The following GPR142 variants were observed in gnomAD, a reference collection of about 807,000 sequenced individuals.
GPR142 encodes G-protein coupled receptor 142 long form.
A neutral mutation model predicts 10.6 loss-of-function variants in GPR142; 9 were observed. The observed-to-expected ratio is 0.85, with a 90% CI of 0.51 to 1.48. The LOEUF is 1.48. GPR142 is among the 40% of genes most tolerant of loss of function. The pLI, the probability that GPR142 is intolerant of heterozygous loss-of-function variation, is 0.00. For synonymous variants in GPR142, 202 were observed against 221.2 expected (o/e 0.91, Z 0.77); for missense variants, 482 against 506.0 (o/e 0.95, Z 0.45).
chr17:74,370,468 G>A (rs938884131), intron 2 of GPR142, 53 bp from the exon 3 acceptor site: 44 of 1,554,186 alleles, frequency 2.8e-5, no homozygotes, highest in Middle Eastern at 3.4e-4. Flanking sequence ...GCTGCGCCCA[G>A]CCAGGTTAGA....
intron 1 of GPR142, 134 bp from the exon 2 acceptor site, chr17:74,369,334 G>A (rs1397193814): frequency 9.9e-6 from 7 of 709,506 alleles, no homozygotes; most frequent in Middle Eastern, 3.7e-4. Flanking sequence ...TGCCCAGCCC[G>A]ACCCCTTCCC....
Position 74,369,643 on chromosome 17 carries a change from T to A in GPR142, c.94+9T>A, listed in dbSNP as rs1424001322. ...TGAGGGACGAGAGACAGGTAAGGCA[T>A]CTTGAAGTGGGGTGTGCTGGGGGCA... On this transcript the variant is annotated intron_variant, in intron 2 of 3. Transcript: ENST00000582579. 3 of 1,542,618 alleles carry A rather than the reference T, an allele frequency of 1.9e-6. No individual in the cohort carries two copies. Among genetic ancestry groups the A allele is most frequent in the African/African-American group, 1.4e-5 (1 of 72,322 alleles).
chr17:74,369,676 G>A, intron 2 of GPR142, 42 bp downstream of exon 2: 2 of 1,521,136 alleles, frequency 1.3e-6, no homozygotes, highest in Middle Eastern at 1.7e-4. Flanking sequence ...GCAATAAGGT[G>A]GAAAGGCAGG....
rs751667637 is a variant in GPR142 at position 74,371,847 on chromosome 17, C to T, written c.372C>T (p.Phe124=). ...TCATCATCCAGGTGGTCATCGTGTTCGCGGGCTTCCTCCTGCAGGGAGCAG... is the reference window on the plus strand; with the variant it reads ...TCATCATCCAGGTGGTCATCGTGTTTGCGGGCTTCCTCCTGCAGGGAGCAG... ...SDIIIQVVIV[F]AGFLLQGAVL... Residue 124 remains phenylalanine, a synonymous_variant, in exon 4 of 4, where the codon TTC becomes TTT. Transcript: ENST00000582579. 3.7e-6 allele frequency: 6 copies of T among 1,613,596 alleles called. No individual in the cohort carries two copies. Among genetic ancestry groups the T allele is most frequent in the South Asian group, 2.2e-5 (2 of 91,084 alleles).
intron 3 of GPR142, 142 bp from the exon 4 acceptor site, chr17:74,371,587 A>T: frequency 1.1e-6 from 1 of 911,670 alleles, no homozygotes; most frequent in Non-Finnish European, 1.6e-6. Flanking sequence ...GTGGGGTTTC[A>T]GAAGGATCTG....
At chr17:74,371,159 C>CGTTTT (rs548811045) in intron 3 of GPR142, among the ~76,000 whole-genome samples, 1 of 124,086 alleles carries the variant, frequency 8.1e-6, no homozygotes, top group African/African-American at 3.0e-5. Context: ...GGACAGGTAG[C>CGTTTT]TTTTTTTTTT....
chr17:74,372,328 C>T lies in GPR142; in HGVS notation c.853C>T (p.Arg285Trp), dbSNP rs142966948. 4.6e-3 allele frequency: 7,431 copies of T among 1,613,934 alleles called. 20 individuals are homozygous for T. Among genetic ancestry groups the T allele is most frequent in the Non-Finnish European group, 5.7e-3 (6,779 of 1,179,814 alleles). Residue 285 changes from arginine (R) to tryptophan (W), a missense_variant, in exon 4 of 4, where the codon CGG becomes TGG. Coordinates refer to ENST00000582579, the MANE Select transcript of GPR142 (RefSeq NM_001331076.1). ...ACTGTTCACCCTCCTGTGGGCGCCC[C>T]GGGTCTTCGTCATGCTCTACCACAT... ...TTLFTLLWAP[R>W]VFVMLYHMYV...
chr17:74,369,100 G>A (rs1030259392), intron 1 of GPR142, among the ~76,000 whole-genome samples: 1 of 152,058 alleles, frequency 6.6e-6, no homozygotes, highest in African/African-American at 2.4e-5. Flanking sequence ...TGCTCATAGA[G>A]TCAGCACCCT....
At position 74,371,831 on chromosome 17, in the gene GPR142, A is replaced by C. The variant is rs775186906; in HGVS notation, c.356A>C (p.Gln119Pro). ...LALTASDIII[Q>P]VVIVFAGFLL... is the part of the protein sequence containing the mutation. Reference sequence around the variant, plus strand: ...CTCACAGCCTCGGATATCATCATCCAGGTGGTCATCGTGTTCGCGGGCTTC... The same window carrying C: ...CTCACAGCCTCGGATATCATCATCCCGGTGGTCATCGTGTTCGCGGGCTTC... The change falls in exon 4 of 4, where the codon CAG (glutamine) becomes CCG (proline). Residue 119 changes from glutamine to proline, a missense_variant. Physicochemically the swap from Gln to Pro is moderately conservative, Grantham distance 76 (BLOSUM62 -1). Coordinates refer to ENST00000582579, the MANE Select transcript of GPR142 (RefSeq NM_001331076.1). 1.2e-6 allele frequency: 2 copies of C among 1,613,740 alleles called. No homozygotes were observed. Among genetic ancestry groups the C allele is most frequent in the Admixed American group, 3.3e-5 (2 of 60,012 alleles).
chr17:74,370,485 C>A lies in GPR142; in HGVS notation c.95-36C>A. The A allele has an allele frequency of 1.9e-6, 3 of 1,578,418 alleles. No individual in the cohort carries two copies. The South Asian group carries it at 3.5e-5, about 19-fold the overall frequency. ...TGCGCCCAGCCAGGTTAGAAATAGA[C>A]CAGAGGCTCTGACTCTGCCCATCCG... On this transcript the variant is annotated intron_variant, in intron 2 of 3. Transcript: ENST00000582579.
intron 2 of GPR142, among the ~76,000 whole-genome samples, chr17:74,370,139 C>T (rs1293066660): frequency 1.3e-5 from 2 of 152,028 alleles, no homozygotes; most frequent in Non-Finnish European, 2.9e-5. Flanking sequence ...TGCAACCCCG[C>T]TTCAGACCCT....
Position 74,372,554 on chromosome 17 carries a change from A to C in GPR142, c.1079A>C (p.Lys360Thr). 2.5e-6 allele frequency: 4 copies of C among 1,611,120 alleles called. No homozygotes were observed. The highest frequency in any genetic ancestry group is 3.4e-6 in the Non-Finnish European group (4 of 1,180,026). Residue 360 changes from lysine (K) to threonine (T), a missense_variant, in exon 4 of 4, where the codon AAG becomes ACG. Physicochemically the swap from Lys to Thr is moderately conservative, Grantham distance 78. Transcript: ENST00000582579. ...TCACAGCCAGAGGGCATGGCGGCGA[A>C]GCCTGTGATGGAGCCTCCGGGACTC... The part of the protein sequence containing the change: ...LASQPEGMAA[K>T]PVMEPPGLPT...
chr17:74,371,024 G>A (rs1295809294), intron 3 of GPR142, among the ~76,000 whole-genome samples: 1 of 152,196 alleles, frequency 6.6e-6, no homozygotes, highest in African/African-American at 2.4e-5. Flanking sequence ...GATATGGGAA[G>A]GACGGGTGGT....
Position 74,372,324 on chromosome 17 carries a change from G to A in GPR142, c.849G>A (p.Ala283=), listed in dbSNP as rs573254045. 9.2e-5 allele frequency: 148 copies of A among 1,613,852 alleles called. No individual in the cohort carries two copies. The highest frequency in any genetic ancestry group is 8.7e-4 in the South Asian group (79 of 91,074). ...GITTLFTLLW[A]PRVFVMLYHM... is the part of the protein sequence containing the mutation. ...CCACACTGTTCACCCTCCTGTGGGCGCCCCGGGTCTTCGTCATGCTCTACC... is the reference window on the plus strand; with the variant it reads ...CCACACTGTTCACCCTCCTGTGGGCACCCCGGGTCTTCGTCATGCTCTACC... The change falls in exon 4 of 4, where the codon GCG becomes GCA. Residue 283 remains alanine (A), a synonymous_variant. Coordinates refer to ENST00000582579, the MANE Select transcript of GPR142 (RefSeq NM_001331076.1).
rs372204356 is a variant in GPR142 at position 74,369,501 on chromosome 17, A to C, written c.-40A>C. 1.2e-5 allele frequency: 18 copies of C among 1,558,914 alleles called. No individual in the cohort carries two copies. In the African/African-American group the frequency reaches 2.3e-4, roughly 20 times the overall value. On this transcript the variant is annotated 5_prime_UTR_variant, in exon 2 of 4. Coordinates refer to ENST00000582579, the MANE Select transcript of GPR142 (RefSeq NM_001331076.1). ...TCTGCGTAAGGATCCTGGGGCAAACAACCACTTGGAGAGCCAAGGGGTGAG... is the reference window on the plus strand; with the variant it reads ...TCTGCGTAAGGATCCTGGGGCAAACCACCACTTGGAGAGCCAAGGGGTGAG...
intron 1 of GPR142, 54 bp downstream of exon 1, chr17:74,367,848 C>T (rs1598409258): frequency 6.9e-7 from 1 of 1,449,148 alleles, no homozygotes; most frequent in East Asian, 2.4e-5. Context: ...CTCAGTCCCC[C>T]TCCTCCATCT....
chr17:74,369,165 C>T (rs2055004115), intron 1 of GPR142, among the ~76,000 whole-genome samples: 1 of 152,112 alleles, frequency 6.6e-6, no homozygotes, highest in Non-Finnish European at 1.5e-5. Flanking sequence ...CCCAGCTGAA[C>T]ACAGGCCAGC....
intron 3 of GPR142, among the ~76,000 whole-genome samples, chr17:74,371,130 C>G (rs1036441526): frequency 6.8e-6 from 1 of 146,060 alleles, no homozygotes; most frequent in African/African-American, 2.5e-5. Flanking sequence ...CTAAAAAGGA[C>G]TTGGAGGACA....
At chr17:74,371,677 G>A (rs2055026141) in intron 3 of GPR142, 52 bp from the exon 4 acceptor site, 2 of 1,540,984 alleles carry the variant, frequency 1.3e-6, no homozygotes, top group Admixed American at 1.7e-5. Context: ...GGAAAGCAGA[G>A]TCTGAGCTCT....
Sources: allele counts gnomAD v4.1 joint callset (sites outside exome capture counted in the v4.1 genomes callset), GRCh38; gene constraint gnomAD v4.1.1; transcripts MANE v1.5; gene names NCBI Gene and HGNC (gene_info 2026-07-23, HGNC 2026-07-21).